Variants in SETD1B observed in about 807,000 individuals in gnomAD.
The protein encoded by SETD1B is SET domain containing 1B, histone lysine methyltransferase.
Under a neutral mutation model 148.0 loss-of-function variants are expected in SETD1B, and 7 were observed. The observed-to-expected ratio is 0.05, with a 90% confidence interval of 0.03 to 0.09. The LOEUF (loss-of-function observed/expected upper bound fraction) is 0.09. Ranked by LOEUF, SETD1B falls within the 10% of genes least tolerant of loss-of-function variation. SETD1B has a pLI of 1.00. For missense variants in SETD1B, 2,155 were observed against 2,729.9 expected (o/e 0.79, Z 4.69); for synonymous variants, 1,361 against 1,186.5 (o/e 1.15, Z -3.02).
chr12:121,806,188 C>G, intron 4 of SETD1B, 83 bp downstream of exon 4: 1 of 1,407,124 alleles, frequency 7.1e-7, no homozygotes, highest in Non-Finnish European at 9.6e-7. Flanking sequence ...GTGGGGAGGA[C>G]CCCCCCTCAC....
chr12:121,828,055 C>A lies in SETD1B; in HGVS notation c.5712C>A (p.Ile1904=). 6.4e-7 allele frequency: 1 copy of A among 1,552,290 alleles called. No homozygotes were observed. Among genetic ancestry groups the A allele is most frequent in the Non-Finnish European group, 8.7e-7 (1 of 1,147,264 alleles). The change falls in exon 16 of 17, where the codon ATC becomes ATA. Residue 1904 remains isoleucine, a synonymous_variant. Transcript: ENST00000604567. ...AGTGCGGCAACTTCGCGCGCTTCAT[C>A]AACCACAGCTGCAACGTGAGTGCCC... ...ATKCGNFARF[I]NHSCNPNCYA...
intron 6 of SETD1B, among the ~76,000 whole-genome samples, chr12:121,813,689 A>G (rs1340070904): frequency 2.6e-5 from 4 of 152,130 alleles, no homozygotes; most frequent in East Asian, 3.8e-4. Flanking sequence ...TGAAATTGCA[A>G]CAGTTTCATC....
chr12:121,824,716 C>T (rs149540210), intron 12 of SETD1B, among the ~76,000 whole-genome samples: 3 of 151,720 alleles, frequency 2.0e-5, no homozygotes, highest in African/African-American at 4.8e-5. Context: ...ATCACTGTCA[C>T]CCCAATTTAC....
chr12:121,792,055 A>T, the SETD1B span, among the ~76,000 whole-genome samples: 2 of 149,566 alleles, frequency 1.3e-5, no homozygotes, highest in Non-Finnish European at 3.0e-5. Flanking sequence ...TCCCACAAAG[A>T]CAGGTTCCTC....
chr12:121,801,929 C>G (rs1778205095), upstream of SETD1B: 1 of 152,168 alleles, frequency 6.6e-6, no homozygotes, highest in Admixed American at 6.5e-5. Flanking sequence ...CCCCACTTAA[C>G]GTTGGTGTTT....
chr12:121,793,318 C>T, the SETD1B span: 105 of 1,455,818 alleles, frequency 7.2e-5, no homozygotes, highest in Non-Finnish European at 1.1e-5. Flanking sequence ...TGTCCACCCC[C>T]CTCACTCGTC....
intron 4 of SETD1B, among the ~76,000 whole-genome samples, chr12:121,806,331 C>T (rs1429454966): frequency 6.6e-6 from 1 of 152,026 alleles, no homozygotes; most frequent in Non-Finnish European, 1.5e-5. Context: ...CCTTGGCCAC[C>T]GCACCCCTAG....
chr12:121,814,672 C>A lies in SETD1B; in HGVS notation c.2457C>A (p.Gly819=). The change falls in exon 7 of 17, where the codon GGC becomes GGA. Residue 819 remains glycine, a synonymous_variant. Coordinates refer to ENST00000604567, the MANE Select transcript of SETD1B (RefSeq NM_001353345.2). ...LQFVNLPPYR[G]PFSLSNSGPG... ...TTGTCAACCTGCCGCCCTACCGGGG[C>A]CCCTTCTCCCTGAGCAACTCCGGCC... 5 of 1,549,896 alleles carry A rather than the reference C, an allele frequency of 3.2e-6. No individual in the cohort carries two copies. Among genetic ancestry groups the A allele is most frequent in the Non-Finnish European group, 4.4e-6 (5 of 1,146,750 alleles).
chr12:121,817,172 G>A lies in SETD1B; in HGVS notation c.2855G>A (p.Gly952Glu). 1 of 1,549,730 alleles carries A rather than the reference G, an allele frequency of 6.5e-7. No individual in the cohort carries two copies. Among genetic ancestry groups the A allele is most frequent in the Non-Finnish European group, 8.7e-7 (1 of 1,146,906 alleles). Residue 952 changes from glycine (G) to glutamate (E), a missense_variant, in exon 8 of 17, where the codon GGG (glycine) becomes GAG (glutamate). By Grantham distance (98) the Gly-to-Glu change is moderately conservative (BLOSUM62 -2). Around this residue, in one of 11 missense-constraint regions of SETD1B, gnomAD observed 289 missense variants for 423.7 expected, o/e 0.68. Coordinates refer to ENST00000604567, the MANE Select transcript of SETD1B (RefSeq NM_001353345.2). This position sits in a 1 kb window ranked among gnomAD's most constrained non-coding sequence, Gnocchi z 8.1. ...TACGAGGGCCTGGGCCTGGGCATTG[G>A]GCTGCGTGGGGCCATTCGCCTGCCC... is the stretch of plus-strand genomic sequence containing the variant. The part of the protein sequence containing the change: ...LGYEGLGLGI[G>E]LRGAIRLPSF...
In SETD1B at chr12:121,828,184, C is replaced by T. The variant is rs1175958872; in HGVS notation, c.5727+114C>T. 2.9e-6 allele frequency: 4 copies of T among 1,395,660 alleles called. No homozygotes were observed. In the African/African-American group the frequency reaches 5.7e-5, roughly 20 times the overall value. The allele number at this position is 1,395,660 out of a possible 1,614,324, so 86.5% of individuals were successfully genotyped here. Reference sequence around the variant, plus strand: ...GAATCAGCTCGGCCTCCTTCCCAAGCTCAGGTTGGCCAAGGGTTATAGGGA... The same window carrying T: ...GAATCAGCTCGGCCTCCTTCCCAAGTTCAGGTTGGCCAAGGGTTATAGGGA... On this transcript the variant is annotated intron_variant, in intron 16 of 16. Coordinates refer to ENST00000604567, the MANE Select transcript of SETD1B (RefSeq NM_001353345.2).
At chr12:121,827,248 T>C (rs1482718439) in intron 13 of SETD1B, among the ~76,000 whole-genome samples, 2 of 150,398 alleles carry the variant, frequency 1.3e-5, no homozygotes, top group African/African-American at 4.9e-5. Flanking sequence ...AAGGAGGGGG[T>C]CAGGGTAGAC....
At chr12:121,812,685 GCTCT>G (rs1296699071) in intron 6 of SETD1B, among the ~76,000 whole-genome samples, 2 of 152,082 alleles carry the variant, frequency 1.3e-5, no homozygotes, top group African/African-American at 4.8e-5. Flanking sequence ...TCTGGGGAGT[GCTCT>G]CTGAGGATCC....
upstream of SETD1B, chr12:121,799,989 G>C (rs1875247526): frequency 6.6e-6 from 1 of 152,322 alleles, no homozygotes; most frequent in Non-Finnish European, 1.5e-5. Context: ...GCGGATCAGG[G>C]CGTTGGGGGA....
In SETD1B at chr12:121,810,613, C is replaced by T. The variant is rs1875984811; in HGVS notation, c.1668C>T (p.Gly556=). Reference sequence around the variant, plus strand: ...CCAACTCCCAGCCAGGCTTCCGGGGCCCCACGCCCCCCTCGTCACGCCCCT... The same window carrying T: ...CCAACTCCCAGCCAGGCTTCCGGGGTCCCACGCCCCCCTCGTCACGCCCCT... ...FGTNSQPGFR[G]PTPPSSRPSS... is the part of the protein sequence containing the mutation. The change falls in exon 6 of 17, where the codon GGC becomes GGT. Residue 556 remains glycine, a synonymous_variant. Transcript: ENST00000604567. The surrounding 1 kb of genome is among the most constrained non-coding windows in gnomAD (Gnocchi z 7.6). The T allele has an allele frequency of 4.5e-6, 7 of 1,548,094 alleles. No homozygotes were observed. The highest frequency in any genetic ancestry group is 5.2e-6 in the Non-Finnish European group (6 of 1,146,570).
the SETD1B span, chr12:121,793,544 G>A: frequency 1.3e-6 from 2 of 1,546,180 alleles, no homozygotes; most frequent in Non-Finnish European, 8.7e-7. Flanking sequence ...AGGTCTTGCC[G>A]CAGCCGCCGT....
rs569865999 is a variant in SETD1B, at chr12:121,830,185, C to G, written c.5847C>G (p.Asp1949Glu). 1.3e-6 allele frequency: 2 copies of G among 1,551,350 alleles called. No individual in the cohort carries two copies. Among genetic ancestry groups the G allele is most frequent in the East Asian group, 4.9e-5 (2 of 40,936 alleles). ...ATGACTATAAGTTCCCCATCGAGGA[C>G]GTCAAGATCCCCTGCCTCTGTGGCT... ...ITYDYKFPIE[D>E]VKIPCLCGSE... The change falls in exon 17 of 17, where the codon GAC (aspartate) becomes GAG (glutamate). Residue 1949 changes from aspartate to glutamate, a missense_variant. Coordinates refer to ENST00000604567, the MANE Select transcript of SETD1B (RefSeq NM_001353345.2). This position sits in a 1 kb window ranked among gnomAD's most constrained non-coding sequence, Gnocchi z 5.7.
chr12:121,822,467 C>T (rs778559995), intron 11 of SETD1B, 23 bp from the exon 12 acceptor site: 29 of 1,511,176 alleles, frequency 1.9e-5, no homozygotes, highest in Non-Finnish European at 2.5e-5. Context: ...GTAAATGTCT[C>T]GTGTTCGCTC....
At chr12:121,820,564 C>T (rs538574222) in intron 11 of SETD1B, among the ~76,000 whole-genome samples, 101 of 152,220 alleles carry the variant, frequency 6.6e-4, no homozygotes, top group African/African-American at 2.3e-3. Flanking sequence ...GACATAGTCC[C>T]GCTCTGTCAC....
rs1180935757 is a variant in SETD1B at position 121,830,492 on chromosome 12, G to GT, written c.*256dup. On this transcript the variant is annotated 3_prime_UTR_variant, in exon 17 of 17. Transcript: ENST00000604567. This position sits in a 1 kb window ranked among gnomAD's most constrained non-coding sequence, Gnocchi z 5.7. ...AACAAACGCCCCTTTCAGGATTTCT[G>GT]TTTAACTCCAGCATCAGCTTCTCTC... The GT allele has an allele frequency of 2.2e-4, 88 of 404,840 alleles. No individual in the cohort carries two copies. Among genetic ancestry groups the GT allele is most frequent in the Non-Finnish European group, 5.8e-5 (13 of 224,644 alleles). 25.1% of individuals were successfully genotyped at this position (404,840 alleles called of 1,614,324 possible).
Sources: gnomAD v4.1 joint callset for allele counts (sites outside exome capture counted in the v4.1 genomes callset) on GRCh38, gnomAD v4.1.1 for gene constraint, gnomAD v4.1.1 regional missense constraint, Gnocchi (gnomAD v3.1) non-coding constraint, MANE v1.5 for transcripts, NCBI Gene and HGNC (gene_info 2026-07-23, HGNC 2026-07-21) for gene names.